Variants in EPHA5 observed in about 807,000 individuals in gnomAD.
EPHA5 encodes the protein EPH receptor A5.
A neutral mutation model predicts 105.0 loss-of-function variants in EPHA5; 60 were observed. That is an observed-to-expected ratio of 0.57 (90% confidence interval 0.46 to 0.71). EPHA5 has a LOEUF of 0.71. Ranked by LOEUF, EPHA5 falls within the 30% of genes least tolerant of loss-of-function variation. The pLI, the probability that EPHA5 is intolerant of heterozygous loss-of-function variation, is 0.00. For missense variants in EPHA5, 1,218 were observed against 1,274.7 expected (o/e 0.96, Z 0.68); for synonymous variants, 513 against 449.1 (o/e 1.14, Z -1.80).
chr4:65,409,247 G>C (rs866304005), intron 7 of EPHA5, among the ~76,000 whole-genome samples: 1 of 127,674 alleles, frequency 7.8e-6, no homozygotes, highest in Non-Finnish European at 1.6e-5. Flanking sequence ...GCTAGATGAC[G>C]AGTTAGTGGG....
chr4:65,648,442 T>C (rs58684309), intron 1 of EPHA5, among the ~76,000 whole-genome samples: 5,691 of 152,256 alleles, frequency 0.037, 377 homozygotes, highest in African/African-American at 0.13. Context: ...GATCCCACCA[T>C]ATACCATCAG....
chr4:65,362,004 A>C (rs10024553), intron 11 of EPHA5, among the ~76,000 whole-genome samples: 5,208 of 151,686 alleles, frequency 0.034, 289 homozygotes, highest in African/African-American at 0.12. Flanking sequence ...AGCTGGCACT[A>C]TGTCTATTAC....
At chr4:65,540,456 A>G (rs1736707556) in intron 3 of EPHA5, among the ~76,000 whole-genome samples, 1 of 151,376 alleles carries the variant, frequency 6.6e-6, no homozygotes, top group African/African-American at 2.4e-5. Flanking sequence ...ATGTCTTTTC[A>G]GTAATTGTTT....
intron 2 of EPHA5, among the ~76,000 whole-genome samples, chr4:65,617,320 G>T (rs1745328362): frequency 6.6e-6 from 1 of 151,890 alleles, no homozygotes; most frequent in Non-Finnish European, 1.5e-5. Context: ...TTTGTCATTG[G>T]GGCAAACCTG....
chr4:65,643,322 G>C (rs140040146), intron 2 of EPHA5, 41 bp downstream of exon 2: 1 of 1,449,390 alleles, frequency 6.9e-7, no homozygotes, highest in South Asian at 1.1e-5. Flanking sequence ...AGATGCTTAC[G>C]CACATAGCTT....
chr4:65,338,013 C>T (rs894857885), intron 14 of EPHA5, among the ~76,000 whole-genome samples: 7 of 151,676 alleles, frequency 4.6e-5, no homozygotes, highest in Admixed American at 4.6e-4. Flanking sequence ...AAAATGTTTT[C>T]AGTAATTATA....
At chr4:65,505,228 A>G (rs907537990) in intron 3 of EPHA5, among the ~76,000 whole-genome samples, 5 of 152,092 alleles carry the variant, frequency 3.3e-5, no homozygotes, top group African/African-American at 7.2e-5. Context: ...ATTAAGCATT[A>G]TGCCTTCTCT....
chr4:65,586,856 T>C (rs984273289), intron 3 of EPHA5, among the ~76,000 whole-genome samples: 2 of 152,120 alleles, frequency 1.3e-5, no homozygotes, highest in Non-Finnish European at 2.9e-5. Flanking sequence ...CTGGGTGAGA[T>C]AATGCATGGA....
intron 2 of EPHA5, among the ~76,000 whole-genome samples, chr4:65,609,548 A>G (rs1744563021): frequency 6.6e-6 from 1 of 152,130 alleles, no homozygotes; most frequent in Non-Finnish European, 1.5e-5. Context: ...ATCTTTTTGC[A>G]GCAAAATTCA....
intron 8 of EPHA5, among the ~76,000 whole-genome samples, chr4:65,402,126 T>A (rs559137351): frequency 4.6e-5 from 7 of 152,196 alleles, no homozygotes; most frequent in Admixed American, 4.6e-4. Flanking sequence ...TAAGGGACTC[T>A]TCCCCCTTGG....
At chr4:65,570,641 A>C (rs1023729851) in intron 3 of EPHA5, among the ~76,000 whole-genome samples, 1 of 151,922 alleles carries the variant, frequency 6.6e-6, no homozygotes, top group Non-Finnish European at 1.5e-5. Flanking sequence ...GAAAGTAGAG[A>C]GATGACTCTT....
Position 65,451,923 on chromosome 4 carries a change from A to G in EPHA5, c.1403-31358T>C, listed in dbSNP as rs576789957. 5.9e-5 allele frequency among the ~76,000 whole-genome samples: 9 copies of G among 152,288 alleles called. No individual in the cohort carries two copies. The South Asian group carries it at 1.2e-3, about 21-fold the overall frequency. The stretch of plus-strand genomic sequence containing the variant: ...TGCCAGAGGACCTTTTCTTCCTACT[A>G]GTTTAATTTTTAACATTTTCTTCTT... On this transcript the variant is annotated intron_variant, in intron 5 of 16. Coordinates refer to ENST00000613740, the MANE Select transcript of EPHA5 (RefSeq NM_001281766.3).
intron 3 of EPHA5, among the ~76,000 whole-genome samples, chr4:65,556,721 A>G (rs1738480483): frequency 6.6e-6 from 1 of 152,062 alleles, no homozygotes; most frequent in South Asian, 2.1e-4. Flanking sequence ...TTTCAGCATT[A>G]TTATTATTTT....
intron 5 of EPHA5, among the ~76,000 whole-genome samples, chr4:65,465,175 C>T (rs1728490996): frequency 6.6e-6 from 1 of 152,008 alleles, no homozygotes; most frequent in Admixed American, 6.6e-5. Context: ...CGGTGGCTCA[C>T]ACCTGTAATC....
At chr4:65,438,312 T>C (rs1018702518) in intron 5 of EPHA5, among the ~76,000 whole-genome samples, 11 of 151,924 alleles carry the variant, frequency 7.2e-5, no homozygotes, top group Non-Finnish European at 1.3e-4. Flanking sequence ...TTTCTCCCAA[T>C]GTGAATTCCC....
rs1483504183 is a variant in EPHA5 at position 65,490,374 on chromosome 4, T to TA, written c.1402+2dup. 1 of 1,612,854 alleles carries TA rather than the reference T, an allele frequency of 6.2e-7. No homozygotes were observed. The highest frequency in any genetic ancestry group is 8.5e-7 in the Non-Finnish European group (1 of 1,179,136). ...ACACAATTGGGTTGGGCATGGCACTTACCTGCTTGATTTGTGGTTACATTT... is the reference window on the plus strand; with the variant it reads ...ACACAATTGGGTTGGGCATGGCACTTAACCTGCTTGATTTGTGGTTACATTT... On this transcript the variant is annotated splice_region_variant and intron_variant, in intron 5 of 16. Transcript: ENST00000613740.
chr4:65,490,792 C>A, intron 4 of EPHA5, 80 bp from the exon 5 acceptor site: 3 of 1,387,460 alleles, frequency 2.2e-6, no homozygotes, highest in South Asian at 2.8e-5. Flanking sequence ...AATTCCTGGT[C>A]TGAAGGAAAA....
intron 8 of EPHA5, among the ~76,000 whole-genome samples, chr4:65,370,764 G>A (rs1484279641): frequency 6.6e-6 from 1 of 152,096 alleles, no homozygotes; most frequent in African/African-American, 2.4e-5. Flanking sequence ...CAATTGAAAG[G>A]AGTTATTTTT....
chr4:65,346,082 C>T (rs1226387105), intron 14 of EPHA5, among the ~76,000 whole-genome samples: 5 of 68,966 alleles, frequency 7.2e-5, no homozygotes, highest in African/African-American at 2.0e-4. Flanking sequence ...TCTTTTCTCT[C>T]TCTTTTTTTT....
Sources: gnomAD v4.1 joint callset for allele counts (sites outside exome capture counted in the v4.1 genomes callset) on GRCh38, gnomAD v4.1.1 for gene constraint, MANE v1.5 for transcripts, NCBI Gene and HGNC (gene_info 2026-07-23, HGNC 2026-07-21) for gene names.